Variants in CUX2 observed in about 807,000 individuals in gnomAD.
CUX2 encodes cut like homeobox 2, also known as homeobox protein cut-like 2.
CUX2 carries 40 observed loss-of-function variants against 144.8 expected under a neutral mutation model. The observed-to-expected ratio is 0.28, with a 90% CI of 0.21 to 0.36. The LOEUF (loss-of-function observed/expected upper bound fraction) is 0.36. Among genes scored for constraint, CUX2 ranks in the 10% least tolerant of loss-of-function variants. The pLI is 1.00. For missense variants in CUX2, 1,615 were observed against 1,994.0 expected (o/e 0.81, Z 3.62); for synonymous variants, 827 against 875.6 (o/e 0.94, Z 0.98).
intron 1 of CUX2, among the ~76,000 whole-genome samples, chr12:111,042,505 C>A (rs537488310): frequency 6.6e-6 from 1 of 152,348 alleles, no homozygotes; most frequent in African/African-American, 2.4e-5. Flanking sequence ...CGGTTCAAAT[C>A]CCAGCTCTGC....
chr12:111,208,837 CTAACCTTTTA>C (rs1370817282), intron 1 of CUX2, among the ~76,000 whole-genome samples: 3 of 152,308 alleles, frequency 2.0e-5, no homozygotes, highest in South Asian at 4.1e-4. Context: ...CCAGCACTTG[CTAACCTTTTA>C]TAACAAACAC....
chr12:111,259,971 G>A (rs111415794), intron 3 of CUX2, among the ~76,000 whole-genome samples: 5,642 of 150,690 alleles, frequency 0.037, 155 homozygotes, highest in African/African-American at 0.073. Flanking sequence ...AGACTGGCCT[G>A]GGCAACATGG....
rs760755488 is a variant in CUX2 at position 111,307,287 on chromosome 12, C to G, written c.1109+30C>G. On this transcript the variant is annotated intron_variant, in intron 12 of 21. Transcript: ENST00000261726. This position sits in a 1 kb window ranked among gnomAD's most constrained non-coding sequence, Gnocchi z 4.1. ...CATGTGGGGTGGGGCTCCACAGACCCTCAGTGCTCTTCCCTGGCCAGGAGC... is the reference window on the plus strand; with the variant it reads ...CATGTGGGGTGGGGCTCCACAGACCGTCAGTGCTCTTCCCTGGCCAGGAGC... 1 of 1,602,526 alleles carries G rather than the reference C, an allele frequency of 6.2e-7. No homozygotes were observed. The highest frequency in any genetic ancestry group is 1.3e-5 in the African/African-American group (1 of 74,686).
rs900758276 is a variant in CUX2, at chr12:111,304,973, A to C, written c.858+659A>C. Among the ~76,000 whole-genome samples, 156 of 152,238 alleles carry C rather than the reference A, an allele frequency of 1.0e-3. No individual in the cohort carries two copies. The highest frequency in any genetic ancestry group is 2.0e-3 in the Non-Finnish European group (134 of 68,006). On this transcript the variant is annotated intron_variant, in intron 10 of 21. Transcript: ENST00000261726. The surrounding 1 kb of genome is among the most constrained non-coding windows in gnomAD (Gnocchi z 4.7). ...CCAGGTGATTCTAGGGGGATTTCCC[A>C]CCCCAGCCACATGCTATGAAGAGCC... is the stretch of plus-strand genomic sequence containing the variant.
intron 1 of CUX2, among the ~76,000 whole-genome samples, chr12:111,209,065 T>C (rs1420476633): frequency 1.3e-5 from 2 of 151,950 alleles, no homozygotes; most frequent in Non-Finnish European, 2.9e-5. Context: ...TTTTAGGGGG[T>C]ACTGACAAGG....
At chr12:111,314,639 T>TAAAAAAAAAAAAAA (rs954472479) in intron 16 of CUX2, among the ~76,000 whole-genome samples, 3 of 23,234 alleles carry the variant, frequency 1.3e-4, no homozygotes, top group African/African-American at 3.2e-4. Flanking sequence ...AAACTCAGTC[T>TAAAAAAAAAAAAAA]AAAAAAAAAA....
Position 111,304,148 on chromosome 12 carries a change from A to G in CUX2, c.754-62A>G. ...CCCCAACCCCTGCCTGAAACAGTGC[A>G]GGGAGAAGGTGGAAGTGCAGAGTGG... On this transcript the variant is annotated intron_variant, in intron 9 of 21. Transcript: ENST00000261726. This position sits in a 1 kb window ranked among gnomAD's most constrained non-coding sequence, Gnocchi z 4.7. 1 of 1,366,682 alleles carries G rather than the reference A, an allele frequency of 7.3e-7. No individual in the cohort carries two copies. Among genetic ancestry groups the G allele is most frequent in the South Asian group, 1.2e-5 (1 of 81,046 alleles). The allele number at this position is 1,366,682 out of a possible 1,614,324, so 84.7% of individuals were successfully genotyped here.
rs778603589 is a variant in CUX2 at position 111,320,280 on chromosome 12, G to A, written c.2271G>A (p.Ala757=). The change falls in exon 17 of 22, where the codon GCG becomes GCA. Residue 757 remains alanine (A), a synonymous_variant. Coordinates refer to ENST00000261726, the MANE Select transcript of CUX2 (RefSeq NM_015267.4). The surrounding 1 kb of genome is among the most constrained non-coding windows in gnomAD (Gnocchi z 8.1). ...QEEGSGGPAQ[A]PLPVLSPAAF... is the part of the protein sequence containing the mutation. Reference sequence around the variant, plus strand: ...AGGGCAGCGGGGGCCCCGCGCAGGCGCCGCTCCCGGTCCTGTCCCCCGCCG... The same window carrying A: ...AGGGCAGCGGGGGCCCCGCGCAGGCACCGCTCCCGGTCCTGTCCCCCGCCG... 3.1e-6 allele frequency: 5 copies of A among 1,595,296 alleles called. No individual in the cohort carries two copies. The highest frequency in any genetic ancestry group is 1.1e-5 in the South Asian group (1 of 90,724).
At chr12:111,043,318 C>G (rs1869836683) in intron 1 of CUX2, among the ~76,000 whole-genome samples, 1 of 152,092 alleles carries the variant, frequency 6.6e-6, no homozygotes, top group Admixed American at 6.5e-5. Flanking sequence ...CTGTTGAGAT[C>G]TCAAGGACAA....
chr12:111,128,043 G>A (rs1340868656), intron 1 of CUX2, among the ~76,000 whole-genome samples: 1 of 152,186 alleles, frequency 6.6e-6, no homozygotes, highest in African/African-American at 2.4e-5. Flanking sequence ...GTGGGTAATA[G>A]TGAGTGGTGC....
intron 16 of CUX2, among the ~76,000 whole-genome samples, chr12:111,317,399 C>T (rs1014071890): frequency 7.0e-6 from 1 of 143,156 alleles, no homozygotes; most frequent in Non-Finnish European, 1.5e-5. Context: ...TATGTGTGTA[C>T]ACACGTGCAT....
intron 1 of CUX2, among the ~76,000 whole-genome samples, chr12:111,087,378 A>G (rs1341423526): frequency 6.6e-6 from 1 of 150,638 alleles, no homozygotes; most frequent in African/African-American, 2.4e-5. Flanking sequence ...AAAAAAAAAA[A>G]AAAAAAAAAA....
intron 1 of CUX2, among the ~76,000 whole-genome samples, chr12:111,103,507 C>T (rs902815568): frequency 2.0e-5 from 3 of 152,186 alleles, no homozygotes; most frequent in Non-Finnish European, 2.9e-5. Context: ...TTCATTCATT[C>T]ATTCATTCAG....
chr12:111,184,955 G>A (rs145776376), intron 1 of CUX2, among the ~76,000 whole-genome samples: 11 of 152,166 alleles, frequency 7.2e-5, no homozygotes, highest in Admixed American at 3.3e-4. Flanking sequence ...CCAGCTACTC[G>A]GGAGGCTGAG....
At chr12:111,038,709 T>A (rs1869582075) in intron 1 of CUX2, among the ~76,000 whole-genome samples, 1 of 152,268 alleles carries the variant, frequency 6.6e-6, no homozygotes, top group African/African-American at 2.4e-5. Flanking sequence ...AAAAACGGGC[T>A]CTCTCTTTGA....
intron 14 of CUX2, among the ~76,000 whole-genome samples, 157 bp from the exon 15 acceptor site, chr12:111,309,884 T>G (rs777432457): frequency 4.0e-5 from 6 of 151,690 alleles, no homozygotes; most frequent in African/African-American, 7.3e-5. Context: ...TCTCCCTCTC[T>G]CTCTCTGTCT....
rs776013717 is a variant in CUX2, at chr12:111,217,972, G to T, written c.222+35G>T. ...AGGGCCCACAGCATGTCAGAAAAGTGCCCCCAATGGCTCCCCCTCCTATCC... is the reference window on the plus strand; with the variant it reads ...AGGGCCCACAGCATGTCAGAAAAGTTCCCCCAATGGCTCCCCCTCCTATCC... On this transcript the variant is annotated intron_variant, in intron 3 of 21. Transcript: ENST00000261726. 7.4e-6 allele frequency: 12 copies of T among 1,612,112 alleles called. No homozygotes were observed. The East Asian group carries it at 2.5e-4, about 33-fold the overall frequency.
intron 1 of CUX2, among the ~76,000 whole-genome samples, chr12:111,093,628 C>A (rs931815027): frequency 1.3e-5 from 2 of 152,114 alleles, no homozygotes; most frequent in African/African-American, 4.8e-5. Context: ...AGGGCTGGGG[C>A]CAGAAATTTG....
At chr12:111,063,485 G>A (rs1027894409) in intron 1 of CUX2, among the ~76,000 whole-genome samples, 2 of 152,242 alleles carry the variant, frequency 1.3e-5, no homozygotes, top group African/African-American at 4.8e-5. Flanking sequence ...GTGGCTCTGG[G>A]GCCTTTGGGA....
Sources: gnomAD v4.1 joint callset for allele counts (sites outside exome capture counted in the v4.1 genomes callset) on GRCh38, gnomAD v4.1.1 for gene constraint, Gnocchi (gnomAD v3.1) non-coding constraint, MANE v1.5 for transcripts, NCBI Gene and HGNC (gene_info 2026-07-23, HGNC 2026-07-21) for gene names.